Variants in CACNA1E observed in about 807,000 individuals in gnomAD.
The protein encoded by CACNA1E is voltage-dependent R-type calcium channel subunit alpha-1E.
CACNA1E carries 40 observed loss-of-function variants against 259.2 expected under a neutral mutation model. The observed-to-expected ratio is 0.15, with a 90% confidence interval of 0.12 to 0.20. CACNA1E has a LOEUF of 0.20. CACNA1E is among the 10% of genes least tolerant of loss of function. CACNA1E has a pLI of 1.00. For synonymous variants in CACNA1E, 1,104 were observed against 1,138.5 expected (o/e 0.97, Z 0.61); for missense variants, 1,874 against 3,040.1 (o/e 0.62, Z 9.02).
At chr1:181,561,298 T>C (rs1649299367) in intron 3 of CACNA1E, among the ~76,000 whole-genome samples, 1 of 152,216 alleles carries the variant, frequency 6.6e-6, no homozygotes, top group Non-Finnish European at 1.5e-5. Context: ...AAGTTGGGTT[T>C]ATTGGGGTAT....
intron 25 of CACNA1E, among the ~76,000 whole-genome samples, chr1:181,749,155 A>G (rs1243024867): frequency 6.6e-6 from 1 of 152,232 alleles, no homozygotes; most frequent in Non-Finnish European, 1.5e-5. Flanking sequence ...CTTGTGACAT[A>G]CAGTAGTGGA....
At chr1:181,722,628 G>A (rs572064741) in intron 16 of CACNA1E, among the ~76,000 whole-genome samples, 11 of 152,200 alleles carry the variant, frequency 7.2e-5, no homozygotes, top group South Asian at 4.1e-4. Context: ...TCCTTTGTTC[G>A]TGGTGAATAC....
chr1:181,702,673 C>G (rs1652387242), intron 7 of CACNA1E, among the ~76,000 whole-genome samples: 1 of 152,138 alleles, frequency 6.6e-6, no homozygotes, highest in South Asian at 2.1e-4. Context: ...CAAGATGCTT[C>G]TGCCCCACAG....
At chr1:181,768,737 A>G (rs947856261) in intron 35 of CACNA1E, among the ~76,000 whole-genome samples, 3 of 152,350 alleles carry the variant, frequency 2.0e-5, no homozygotes, top group Non-Finnish European at 4.4e-5. Flanking sequence ...CATTTCTGCT[A>G]TGACTTGCTT....
rs76804472 is a variant in CACNA1E at position 181,471,218 on chromosome 1, C to T, written c.435-12526C>T. On this transcript the variant is annotated intron_variant, in intron 2 of 11. Transcript: ENST00000524607. ...CTTAATCATGTCCTAAAGACTTTAC[C>T]TCTTAATACTTCTGCATTGGGGATT... Among the ~76,000 whole-genome samples the T allele has an allele frequency of 4.2e-3, 637 of 152,282 alleles. 1 individual carries two copies. Among genetic ancestry groups the T allele is most frequent in the African/African-American group, 0.013 (545 of 41,552 alleles).
intron 2 of CACNA1E, among the ~76,000 whole-genome samples, chr1:181,424,550 T>C (rs2102209460): frequency 6.6e-6 from 1 of 152,374 alleles, no homozygotes. Flanking sequence ...AGGAGGGTCC[T>C]GTACTGGGAA....
chr1:181,639,788 C>A (rs926376483), intron 6 of CACNA1E, among the ~76,000 whole-genome samples: 8 of 152,144 alleles, frequency 5.3e-5, no homozygotes, highest in Admixed American at 3.3e-4. Flanking sequence ...CTTTGTGTAT[C>A]TTTGGGCAAA....
intron 1 of CACNA1E, among the ~76,000 whole-genome samples, chr1:181,381,395 G>C (rs1655451037): frequency 1.3e-5 from 2 of 152,040 alleles, no homozygotes; most frequent in South Asian, 2.1e-4. Context: ...AAAGAAGCCA[G>C]GCAAAAATGA....
rs528168265 is a variant in CACNA1E at position 181,726,125 on chromosome 1, G to T, written c.2203G>T (p.Val735Phe). The change falls in exon 18 of 48, where the codon GTC becomes TTC. Residue 735 changes from valine to phenylalanine, a missense_variant. By Grantham distance (50) the Val-to-Phe change is conservative (BLOSUM62 -1). Transcript: ENST00000367573. ...ACATGCACTGCAGAAGGCCAAGGAG[G>T]TCAGCCCGATGTCTGCACCCAACAT... ...QKHALQKAKE[V>F]SPMSAPNMPS... The T allele has an allele frequency of 1.9e-6, 3 of 1,613,150 alleles. No individual in the cohort carries two copies. Among genetic ancestry groups the T allele is most frequent in the East Asian group, 4.5e-5 (2 of 44,854 alleles).
In CACNA1E at chr1:181,758,898, G is replaced by A. The variant is rs898823155; in HGVS notation, c.4605+30G>A. ...GTTGCTGAATCCTTCCCAGCACTGG[G>A]CTTGTCTCTTTCTGTTGGGTGCCTT... On this transcript the variant is annotated intron_variant, in intron 32 of 47. Coordinates refer to ENST00000367573, the MANE Select transcript of CACNA1E (RefSeq NM_001205293.3). The surrounding 1 kb of genome is among the most constrained non-coding windows in gnomAD (Gnocchi z 4.2). 1.6e-6 allele frequency: 2 copies of A among 1,241,140 alleles called. No homozygotes were observed. The highest frequency in any genetic ancestry group is 2.4e-6 in the Non-Finnish European group (2 of 845,984). The allele number at this position is 1,241,140 out of a possible 1,614,324, so 76.9% of individuals were successfully genotyped here.
At chr1:181,583,262 T>G (rs1651732015) in intron 6 of CACNA1E, among the ~76,000 whole-genome samples, 1 of 152,150 alleles carries the variant, frequency 6.6e-6, no homozygotes, top group Non-Finnish European at 1.5e-5. Context: ...AATGACTCAC[T>G]AAGCATCACC....
At chr1:181,695,009 A>G (rs1216057324) in intron 7 of CACNA1E, among the ~76,000 whole-genome samples, 2 of 152,222 alleles carry the variant, frequency 1.3e-5, no homozygotes, top group Non-Finnish European at 2.9e-5. Context: ...GAGCTAATTA[A>G]GTGAATTCAG....
At chr1:181,595,447 G>A (rs1376285916) in intron 6 of CACNA1E, among the ~76,000 whole-genome samples, 2 of 152,162 alleles carry the variant, frequency 1.3e-5, no homozygotes, top group Non-Finnish European at 2.9e-5. Flanking sequence ...GGCACAGGCG[G>A]GGCTGGCGTA....
intron 1 of CACNA1E, among the ~76,000 whole-genome samples, chr1:181,503,505 C>A (rs1572038479): frequency 6.6e-6 from 1 of 152,196 alleles, no homozygotes; most frequent in African/African-American, 2.4e-5. Flanking sequence ...CCTGGAGGCC[C>A]ATTACCATAA....
At chr1:181,393,552 G>A (rs1656444891) in intron 1 of CACNA1E, among the ~76,000 whole-genome samples, 1 of 152,164 alleles carries the variant, frequency 6.6e-6, no homozygotes, top group African/African-American at 2.4e-5. Flanking sequence ...CTGCCTTCCA[G>A]GCTCAAGCGA....
chr1:181,726,733 ACT>A (rs1205577133), intron 18 of CACNA1E, among the ~76,000 whole-genome samples: 1 of 152,028 alleles, frequency 6.6e-6, no homozygotes. Flanking sequence ...TAAAAAGGTC[ACT>A]CTGTTCTATG....
intron 47 of CACNA1E, 56 bp downstream of exon 47, chr1:181,796,914 A>C (rs1309834924): frequency 7.7e-7 from 1 of 1,297,944 alleles, no homozygotes; most frequent in East Asian, 2.6e-5. Flanking sequence ...GGTGGGCTGT[A>C]TCATTAGATG....
intron 6 of CACNA1E, among the ~76,000 whole-genome samples, chr1:181,589,109 T>C (rs1463348210): frequency 6.6e-6 from 1 of 152,236 alleles, no homozygotes; most frequent in Non-Finnish European, 1.5e-5. Context: ...TCCCGGGCCC[T>C]GCCCCAGATC....
intron 1 of CACNA1E, among the ~76,000 whole-genome samples, chr1:181,506,741 T>G (rs1665741292): frequency 6.6e-6 from 1 of 152,176 alleles, no homozygotes; most frequent in African/African-American, 2.4e-5. Context: ...AGCACCTAGA[T>G]GTAAATGCCT....
Sources: allele counts gnomAD v4.1 joint callset (sites outside exome capture counted in the v4.1 genomes callset), GRCh38; gene constraint gnomAD v4.1.1; non-coding constraint Gnocchi (gnomAD v3.1); transcripts MANE v1.5; gene names NCBI Gene and HGNC (gene_info 2026-07-23, HGNC 2026-07-21).